C6orf58: variants seen among roughly 807,000 people sequenced by gnomAD.
C6orf58 encodes protein LEG1 homolog.
In C6orf58, 30 loss-of-function variants were observed where a neutral mutation model predicts 37.0. That is an observed-to-expected ratio of 0.81 (90% CI 0.61 to 1.10). The LOEUF is 1.10. Ranked by LOEUF, C6orf58 falls within the 50% of genes least tolerant of loss-of-function variation. C6orf58 has a pLI of 0.00. For missense variants in C6orf58, 368 were observed against 387.5 expected (o/e 0.95, Z 0.42); for synonymous variants, 143 against 134.1 (o/e 1.07, Z -0.46).
At position 127,580,354 on chromosome 6, in the gene C6orf58, C is replaced by A; in HGVS notation, c.478C>A (p.Pro160Thr). ...GISSDQVRLL[P>T]PPKNERKFCY... ...ATCATCAGACCAAGTCAGGCTTTTG[C>A]CCCCACCCAAGAATGAGAGGAAGTT... Residue 160 changes from proline to threonine, a missense_variant, in exon 3 of 6, where the codon CCC becomes ACC. By Grantham distance (38) the Pro-to-Thr change is conservative. Coordinates refer to ENST00000329722, the MANE Select transcript of C6orf58 (RefSeq NM_001010905.3). 1 of 1,612,622 alleles carries A rather than the reference C, an allele frequency of 6.2e-7. No homozygotes were observed.
intron 5 of C6orf58, among the ~76,000 whole-genome samples, chr6:127,591,187 T>C (rs1027706613): frequency 1.3e-5 from 2 of 152,138 alleles, no homozygotes; most frequent in Non-Finnish European, 2.9e-5. Context: ...TGGAGCTTTT[T>C]CCCAAAAATG....
chr6:127,578,808 T>C (rs758922548), intron 2 of C6orf58, 36 bp downstream of exon 2: 1 of 1,463,822 alleles, frequency 6.8e-7, no homozygotes, highest in Non-Finnish European at 9.5e-7. Context: ...GATATTAACC[T>C]TTCCTGAAAG....
At chr6:127,578,248 A>G (rs1194879172) in intron 1 of C6orf58, among the ~76,000 whole-genome samples, 1 of 152,124 alleles carries the variant, frequency 6.6e-6, no homozygotes, top group African/African-American at 2.4e-5. Context: ...TCACAACCTT[A>G]TAATGTAGTT....
intron 4 of C6orf58, among the ~76,000 whole-genome samples, 192 bp downstream of exon 4, chr6:127,581,474 A>T (rs1338072829): frequency 1.3e-5 from 2 of 151,268 alleles, no homozygotes; most frequent in Non-Finnish European, 2.9e-5. Context: ...TTTATGAAGA[A>T]GGGGAAAATT....
At chr6:127,588,491 A>G (rs1461945958) in intron 4 of C6orf58, among the ~76,000 whole-genome samples, 6 of 152,214 alleles carry the variant, frequency 3.9e-5, no homozygotes, top group African/African-American at 1.4e-4. Flanking sequence ...AGGAGTATTT[A>G]CTTGAGACAG....
At chr6:127,578,546 G>A in intron 1 of C6orf58, 140 bp from the exon 2 acceptor site, 2 of 510,154 alleles carry the variant, frequency 3.9e-6, no homozygotes. Context: ...GATAAAAAAA[G>A]AATGATGGGA....
At chr6:127,584,777 C>T (rs964986765) in intron 4 of C6orf58, among the ~76,000 whole-genome samples, 4 of 124,874 alleles carry the variant, frequency 3.2e-5, no homozygotes, top group African/African-American at 1.2e-4. Context: ...AGTGAGACTC[C>T]ATCTCCAAAA....
At chr6:127,583,648 C>A (rs892497265) in intron 4 of C6orf58, among the ~76,000 whole-genome samples, 1 of 152,116 alleles carries the variant, frequency 6.6e-6, no homozygotes, top group Non-Finnish European at 1.5e-5. Context: ...CAAAAAAGAG[C>A]TTGGTGTGGT....
chr6:127,590,001 G>T, intron 4 of C6orf58, 86 bp from the exon 5 acceptor site: 1 of 858,760 alleles, frequency 1.2e-6, no homozygotes. Flanking sequence ...TAGTTTGTTG[G>T]CAAGAACCAA....
intron 2 of C6orf58, among the ~76,000 whole-genome samples, chr6:127,579,488 G>A (rs1478814719): frequency 6.6e-6 from 1 of 152,048 alleles, no homozygotes. Flanking sequence ...AGAATTCAGA[G>A]TTTGTTATTC....
chr6:127,591,510 A>G, intron 5 of C6orf58, 33 bp from the exon 6 acceptor site: 2 of 1,492,558 alleles, frequency 1.3e-6, no homozygotes, highest in Non-Finnish European at 1.8e-6. Context: ...AATTTGCAAG[A>G]GTTTACATGT....
intron 4 of C6orf58, among the ~76,000 whole-genome samples, chr6:127,587,225 GTAT>G (rs1337665383): frequency 6.6e-6 from 1 of 151,994 alleles, no homozygotes; most frequent in African/African-American, 2.4e-5. Context: ...AAAAGTACAA[GTAT>G]TTGTTAAAAA....
chr6:127,581,213 A>T lies in C6orf58; in HGVS notation c.605A>T (p.Asp202Val), dbSNP rs776186904. Residue 202 changes from aspartate (D) to valine (V), a missense_variant, in exon 4 of 6, where the codon GAT becomes GTT. By Grantham distance (152) the Asp-to-Val change is radical (BLOSUM62 -3). Coordinates refer to ENST00000329722, the MANE Select transcript of C6orf58 (RefSeq NM_001010905.3). ...CAGTCACCTTTTAGTAAGTTTGATG[A>T]TCTGTTGAAGTACTTATGGGCTGCA... is the stretch of plus-strand genomic sequence containing the variant. ...YLQSPFSKFD[D>V]LLKYLWAAHT... is the part of the protein sequence containing the mutation. 6.6e-7 allele frequency: 1 copy of T among 1,521,028 alleles called. No individual in the cohort carries two copies. The allele number at this position is 1,521,028 out of a possible 1,614,324, so 94.2% of individuals were successfully genotyped here. A position where few individuals can be genotyped will look rare whatever the true frequency, so the allele number is the denominator to read the frequency against.
At chr6:127,589,405 A>G (rs721508) in intron 4 of C6orf58, among the ~76,000 whole-genome samples, 52,725 of 152,106 alleles carry the variant, frequency 0.35, 10,217 homozygotes, top group East Asian at 0.62. Flanking sequence ...GCTCATAGAA[A>G]CAGAAGACAT....
chr6:127,579,229 G>A (rs6918849), intron 2 of C6orf58, among the ~76,000 whole-genome samples: 55,358 of 151,906 alleles, frequency 0.36, 11,992 homozygotes, highest in East Asian at 0.93. Flanking sequence ...GTAATCTCAG[G>A]CTTTAATCAT....
chr6:127,578,114 T>C (rs892036736), intron 1 of C6orf58, among the ~76,000 whole-genome samples: 5 of 152,118 alleles, frequency 3.3e-5, no homozygotes, highest in Admixed American at 3.3e-4. Context: ...AAGAAATTAT[T>C]GTGTGTGAGA....
intron 4 of C6orf58, among the ~76,000 whole-genome samples, chr6:127,581,823 G>A (rs1271814732): frequency 6.6e-6 from 1 of 152,142 alleles, no homozygotes; most frequent in Non-Finnish European, 1.5e-5. Flanking sequence ...ACATAGTGTG[G>A]TGAGAAATTT....
At position 127,578,762 on chromosome 6, in the gene C6orf58, T is replaced by C. The variant is rs749292150; in HGVS notation, c.378T>C (p.Ser126=). The C allele has an allele frequency of 6.2e-6, 10 of 1,611,748 alleles. No individual in the cohort carries two copies. In the African/African-American group the frequency reaches 9.4e-5, roughly 15 times the overall value. The change falls in exon 2 of 6, where the codon AGT becomes AGC. Residue 126 remains serine, a synonymous_variant. Transcript: ENST00000329722. ...ATCATATGTGCATCTCTGTGGACAGTTGGTGGGCTGGTATGTTCGTTTAAG... is the reference window on the plus strand; with the variant it reads ...ATCATATGTGCATCTCTGTGGACAGCTGGTGGGCTGGTATGTTCGTTTAAG... The part of the protein sequence containing the change: ...SGDHMCISVD[S]WWADLNYFLS...
chr6:127,578,559 A>G (rs781730102), intron 1 of C6orf58, 127 bp from the exon 2 acceptor site: 31 of 586,820 alleles, frequency 5.3e-5, no homozygotes, highest in Non-Finnish European at 8.5e-5. Flanking sequence ...TGATGGGAAT[A>G]CAAACACATA....
Sources: gnomAD v4.1 joint callset for allele counts (sites outside exome capture counted in the v4.1 genomes callset) on GRCh38, gnomAD v4.1.1 for gene constraint, MANE v1.5 for transcripts, NCBI Gene and HGNC (gene_info 2026-07-23, HGNC 2026-07-21) for gene names.